UNC13C: variants seen among roughly 807,000 people sequenced by gnomAD.
UNC13C encodes unc-13 homolog C.
In UNC13C, 174 loss-of-function variants were observed where a neutral mutation model predicts 245.4. That is an observed-to-expected ratio of 0.71 (90% CI 0.63 to 0.80). The LOEUF is 0.80. Ranked by LOEUF, UNC13C falls within the 30% of genes least tolerant of loss-of-function variation. The pLI is 0.00. For missense variants in UNC13C, 2,829 were observed against 2,602.9 expected, an observed-to-expected ratio of 1.09 and a Z score of -1.89; for synonymous variants, 992 against 895.1, an observed-to-expected ratio of 1.11 and a Z score of -1.93.
intron 30 of UNC13C, among the ~76,000 whole-genome samples, chr15:54,571,238 G>A (rs1897739747): frequency 6.6e-6 from 1 of 152,228 alleles, no homozygotes; most frequent in Non-Finnish European, 1.5e-5. Context: ...CAGCATGGCT[G>A]TGGAGGCCTC....
rs370303300 is a variant in UNC13C, at chr15:54,363,216, C to T, written c.4713+24727C>T. Among the ~76,000 whole-genome samples the T allele has an allele frequency of 3.3e-5, 5 of 152,336 alleles. No homozygotes were observed. In the East Asian group the frequency reaches 7.7e-4, roughly 24 times the overall value. On this transcript the variant is annotated intron_variant, in intron 17 of 32. Transcript: ENST00000260323. ...CTCTGCCTCCTGGGTTCAAGTGATTCTCTTGCCTCAGCCTCCCAAGTAGCT... is the reference window on the plus strand; with the variant it reads ...CTCTGCCTCCTGGGTTCAAGTGATTTTCTTGCCTCAGCCTCCCAAGTAGCT...
the UNC13C span, among the ~76,000 whole-genome samples, chr15:53,933,994 G>A: frequency 1.3e-5 from 2 of 152,234 alleles, no homozygotes; most frequent in African/African-American, 4.8e-5. Context: ...TGCATGGGAT[G>A]CAAGGTGCCA....
At chr15:54,553,990 A>G (rs985394865) in intron 28 of UNC13C, among the ~76,000 whole-genome samples, 11 of 152,032 alleles carry the variant, frequency 7.2e-5, no homozygotes, top group African/African-American at 2.7e-4. Flanking sequence ...ATGAACTCAT[A>G]TGATTAACTT....
At chr15:54,020,963 C>A (rs974069807) in intron 2 of UNC13C, among the ~76,000 whole-genome samples, 2 of 152,096 alleles carry the variant, frequency 1.3e-5, no homozygotes, top group South Asian at 2.1e-4. Flanking sequence ...TAACAATAAC[C>A]TTTTGTCTAG....
chr15:54,495,479 C>T (rs957369093), intron 20 of UNC13C, among the ~76,000 whole-genome samples: 1 of 151,812 alleles, frequency 6.6e-6, no homozygotes, highest in Non-Finnish European at 1.5e-5. Flanking sequence ...GAACTCCACA[C>T]AATATTTATA....
chr15:54,280,599 T>TC (rs2036954435), intron 10 of UNC13C, among the ~76,000 whole-genome samples: 6 of 149,658 alleles, frequency 4.0e-5, no homozygotes, highest in African/African-American at 1.5e-4. Flanking sequence ...TCTCTCTCTC[T>TC]TGCTCTCTCT....
chr15:53,881,136 T>C, the UNC13C span, among the ~76,000 whole-genome samples: 1 of 151,250 alleles, frequency 6.6e-6, no homozygotes, highest in Non-Finnish European at 1.5e-5. Context: ...AAGTTGGGGA[T>C]TGTGTGTGTG....
chr15:54,015,282 C>T lies in UNC13C; in HGVS notation c.2379C>T (p.Ser793=). Residue 793 remains serine (S), a synonymous_variant, in exon 2 of 33, where the codon AGC becomes AGT. Coordinates refer to ENST00000260323, the MANE Select transcript of UNC13C (RefSeq NM_001080534.3). ...TTGACCTTTCTGATAAGACTTTCAGCTTCCCAAAATTTGGATCTACACTGC... is the reference window on the plus strand; with the variant it reads ...TTGACCTTTCTGATAAGACTTTCAGTTTCCCAAAATTTGGATCTACACTGC... The part of the protein sequence containing the change: ...LSIDLSDKTF[S]FPKFGSTLQR... 1 of 1,459,880 alleles carries T rather than the reference C, an allele frequency of 6.8e-7. No homozygotes were observed. The highest frequency in any genetic ancestry group is 9.1e-7 in the Non-Finnish European group (1 of 1,096,568). The allele number at this position is 1,459,880 out of a possible 1,614,324, so 90.4% of individuals were successfully genotyped here. A position where few individuals can be genotyped will look rare whatever the true frequency, so the allele number is the denominator to read the frequency against.
chr15:54,260,564 A>C (rs1415824055), intron 8 of UNC13C, among the ~76,000 whole-genome samples: 2 of 149,410 alleles, frequency 1.3e-5, no homozygotes, highest in East Asian at 3.9e-4. Context: ...TATAATAAAC[A>C]CACATATATG....
intron 27 of UNC13C, among the ~76,000 whole-genome samples, chr15:54,548,579 A>T (rs900674934): frequency 6.6e-6 from 1 of 152,122 alleles, no homozygotes; most frequent in Non-Finnish European, 1.5e-5. Flanking sequence ...GTTCTTTAGT[A>T]ACAGAATTGC....
chr15:54,541,146 A>G (rs562540558), intron 26 of UNC13C, among the ~76,000 whole-genome samples: 10 of 152,122 alleles, frequency 6.6e-5, no homozygotes, highest in East Asian at 1.9e-4. Flanking sequence ...TTGCTTTCAC[A>G]TATTTTTATA....
At chr15:54,009,248 C>T (rs914954170) in intron 1 of UNC13C, among the ~76,000 whole-genome samples, 1 of 152,142 alleles carries the variant, frequency 6.6e-6, no homozygotes, top group Admixed American at 6.5e-5. Flanking sequence ...TTTTGTTCTT[C>T]CTCTTTCATT....
intron 18 of UNC13C, among the ~76,000 whole-genome samples, chr15:54,395,025 T>A (rs1156632724): frequency 6.6e-6 from 1 of 151,892 alleles, no homozygotes. Flanking sequence ...GTTTTTAATG[T>A]CAGAGTTTAA....
At chr15:54,520,388 A>G (rs1895162654) in intron 24 of UNC13C, among the ~76,000 whole-genome samples, 3 of 152,272 alleles carry the variant, frequency 2.0e-5, no homozygotes, top group African/African-American at 7.2e-5. Context: ...TTGTGCTTTG[A>G]TATGCTACAG....
chr15:54,126,424 C>T (rs145594719), intron 2 of UNC13C, among the ~76,000 whole-genome samples: 290 of 152,014 alleles, frequency 1.9e-3, no homozygotes, highest in Middle Eastern at 6.8e-3. Context: ...TAGAAGACAT[C>T]GCAACAAAAA....
chr15:54,309,295 A>G (rs2037808234), intron 13 of UNC13C, among the ~76,000 whole-genome samples: 1 of 151,832 alleles, frequency 6.6e-6, no homozygotes, highest in South Asian at 2.1e-4. Context: ...GGGCATTTGT[A>G]TGTCTTCTTC....
chr15:53,856,357 G>C, the UNC13C span, among the ~76,000 whole-genome samples: 1 of 143,568 alleles, frequency 7.0e-6, no homozygotes, highest in African/African-American at 2.4e-5. Context: ...GGGTTTGTGT[G>C]CTCTTGGTTC....
intron 32 of UNC13C, among the ~76,000 whole-genome samples, chr15:54,624,858 A>T (rs1901036058): frequency 6.6e-6 from 1 of 152,122 alleles, no homozygotes; most frequent in Admixed American, 6.6e-5. Context: ...AGGAATTTAC[A>T]AAGTGGTTAA....
At chr15:54,090,198 A>C (rs1346870805) in intron 2 of UNC13C, among the ~76,000 whole-genome samples, 1 of 152,316 alleles carries the variant, frequency 6.6e-6, no homozygotes, top group African/African-American at 2.4e-5. Context: ...TGTATTCTGT[A>C]TAGACCTCCT....
Sources: gnomAD v4.1 joint callset for allele counts (sites outside exome capture counted in the v4.1 genomes callset) on GRCh38, gnomAD v4.1.1 for gene constraint, MANE v1.5 for transcripts, NCBI Gene and HGNC (gene_info 2026-07-23, HGNC 2026-07-21) for gene names.